The following SCP2 variants were observed in gnomAD, a reference collection of about 807,000 sequenced individuals.
SCP2 encodes the protein sterol carrier protein 2.
SCP2 carries 48 observed loss-of-function variants against 71.4 expected under a neutral mutation model. That is an observed-to-expected ratio of 0.67 (90% CI 0.53 to 0.86). The LOEUF (loss-of-function observed/expected upper bound fraction) is 0.86, where lower values mean the gene tolerates loss of function less well. Among genes scored for constraint, SCP2 ranks in the 40% least tolerant of loss-of-function variants. The pLI is 0.00. For synonymous variants in SCP2, 220 were observed against 218.1 expected, an observed-to-expected ratio of 1.01 and a Z score of -0.08; for missense variants, 560 against 655.6, an observed-to-expected ratio of 0.85 and a Z score of 1.59.
In SCP2 at chr1:52,960,120, G is replaced by A. The variant is rs1207545509; in HGVS notation, c.397-1383G>A. On this transcript the variant is annotated intron_variant, in intron 5 of 15. Transcript: ENST00000371514. ...TTGGCCAGGCTGGCCTCAAACTCCT[G>A]ACCTCGTGATCCGCCCGCCTGGCCT... 2.0e-5 allele frequency among the ~76,000 whole-genome samples: 3 copies of A among 151,970 alleles called. No homozygotes were observed. In the East Asian group the frequency reaches 5.8e-4, roughly 29 times the overall value.
At chr1:52,950,716 C>T in intron 3 of SCP2, 39 bp from the exon 4 acceptor site, 2 of 1,582,516 alleles carry the variant, frequency 1.3e-6, no homozygotes, top group East Asian at 2.2e-5. Context: ...ATTGCAACTC[C>T]ATAATTCTCC....
chr1:53,026,887 T>G (rs547154445), intron 12 of SCP2, among the ~76,000 whole-genome samples: 27 of 150,578 alleles, frequency 1.8e-4, no homozygotes, highest in African/African-American at 6.4e-4. Flanking sequence ...CAGGGAGACA[T>G]ACATGAGAGG....
chr1:53,000,268 A>G (rs1431433834), intron 11 of SCP2, among the ~76,000 whole-genome samples: 2 of 149,136 alleles, frequency 1.3e-5, no homozygotes, highest in African/African-American at 5.2e-5. Flanking sequence ...AAAAAAAAAA[A>G]AAGAAAGAAT....
intron 11 of SCP2, among the ~76,000 whole-genome samples, chr1:53,008,161 C>T (rs561468140): frequency 1.7e-4 from 26 of 152,198 alleles, no homozygotes; most frequent in African/African-American, 6.3e-4. Flanking sequence ...AAAAAAAGTC[C>T]AGGACCAGAC....
chr1:53,037,875 TACATACACAC>T (rs1487635578), intron 13 of SCP2, among the ~76,000 whole-genome samples: 11 of 96,508 alleles, frequency 1.1e-4, no homozygotes, highest in Non-Finnish European at 1.8e-4. Flanking sequence ...ATCCTGTCTC[TACATACACAC>T]ACACACACAC....
At chr1:52,973,338 G>C (rs1015286570) in intron 6 of SCP2, among the ~76,000 whole-genome samples, 17 of 132,420 alleles carry the variant, frequency 1.3e-4, no homozygotes, top group African/African-American at 4.7e-4. Context: ...TTTGACAGAA[G>C]AACCCTCTTT....
chr1:52,941,660 A>G, intron 1 of SCP2, 136 bp from the exon 2 acceptor site: 1 of 548,806 alleles, frequency 1.8e-6, no homozygotes, highest in Non-Finnish European at 3.4e-6. Context: ...GCTTGAACCC[A>G]GGAGGCAGAG....
intron 11 of SCP2, among the ~76,000 whole-genome samples, chr1:52,997,667 G>A (rs966147724): frequency 2.0e-5 from 3 of 152,180 alleles, no homozygotes; most frequent in African/African-American, 7.2e-5. Context: ...TATGTGTGGA[G>A]TTTCTTTTTG....
At position 53,019,877 on chromosome 1, in the gene SCP2, G is replaced by C. The variant is rs113686951; in HGVS notation, c.1235+4834G>C. ...AACTTTTTAAATTTTATAGACTAGA[G>C]TTACCGGAGACAGATTTTTGTTTTT... On this transcript the variant is annotated intron_variant, in intron 12 of 15. Transcript: ENST00000371514. Among the ~76,000 whole-genome samples the C allele has an allele frequency of 6.2e-3, 949 of 152,146 alleles. 16 individuals carry two copies. The highest frequency in any genetic ancestry group is 0.022 in the African/African-American group (912 of 41,506).
intron 11 of SCP2, 123 bp downstream of exon 11, chr1:52,988,259 T>A: frequency 1.5e-6 from 1 of 666,148 alleles, no homozygotes; most frequent in Non-Finnish European, 2.7e-6. Context: ...CTTTAAATGA[T>A]TGTTTAGCTT....
At chr1:52,969,431 C>A (rs1379480899) in intron 6 of SCP2, among the ~76,000 whole-genome samples, 1 of 152,094 alleles carries the variant, frequency 6.6e-6, no homozygotes, top group Non-Finnish European at 1.5e-5. Context: ...ACTGCTTGAG[C>A]CTGGAAGGAG....
intron 5 of SCP2, among the ~76,000 whole-genome samples, chr1:52,960,576 G>A (rs1442798738): frequency 6.9e-6 from 1 of 145,736 alleles, no homozygotes; most frequent in African/African-American, 2.5e-5. Flanking sequence ...GTATATATAT[G>A]TATATATGTA....
At chr1:52,961,695 T>A in intron 6 of SCP2, 66 bp downstream of exon 6, 1 of 1,344,524 alleles carries the variant, frequency 7.4e-7, no homozygotes, top group Non-Finnish European at 1.1e-6. Context: ...GAAATGACAG[T>A]TATTTATTAA....
intron 10 of SCP2, among the ~76,000 whole-genome samples, chr1:52,981,962 G>T (rs1345661765): frequency 6.6e-6 from 1 of 151,714 alleles, no homozygotes; most frequent in East Asian, 1.9e-4. Context: ...GTTCCTCTGT[G>T]CCCCTCCTCT....
At chr1:53,004,250 A>G (rs1660489819) in intron 11 of SCP2, among the ~76,000 whole-genome samples, 1 of 152,214 alleles carries the variant, frequency 6.6e-6, no homozygotes, top group African/African-American at 2.4e-5. Flanking sequence ...GGCATTTTCT[A>G]TTCAATATTT....
intron 11 of SCP2, chr1:52,994,966 T>G (rs1304917524): frequency 5.8e-6 from 3 of 513,414 alleles, no homozygotes; most frequent in Non-Finnish European, 1.2e-5. Context: ...CTCAGGCCCT[T>G]TTGGCCAGGT....
In SCP2 at chr1:53,047,854, T is replaced by G; in HGVS notation, c.1469-4T>G. ...TCCTTCCTTCTCCTGTGTATCTGTT[T>G]TAGATAAGAAGGCTGACTGCACAAT... On this transcript the variant is annotated splice_region_variant and splice_polypyrimidine_tract_variant and intron_variant, in intron 14 of 15. Coordinates refer to ENST00000371514, the MANE Select transcript of SCP2 (RefSeq NM_002979.5). 6.2e-7 allele frequency: 1 copy of G among 1,605,654 alleles called. No homozygotes were observed. The highest frequency in any genetic ancestry group is 8.5e-7 in the Non-Finnish European group (1 of 1,172,248).
intron 14 of SCP2, among the ~76,000 whole-genome samples, 158 bp downstream of exon 14, chr1:53,039,204 T>G (rs987512108): frequency 1.3e-5 from 2 of 152,170 alleles, no homozygotes; most frequent in African/African-American, 4.8e-5. Flanking sequence ...CAAAGCCACC[T>G]CCTCCCAAGG....
chr1:52,930,410 A>G (rs1653037205), intron 1 of SCP2, among the ~76,000 whole-genome samples: 1 of 152,024 alleles, frequency 6.6e-6, no homozygotes, highest in African/African-American at 2.4e-5. Context: ...GTATCTCTTG[A>G]GCCCAGGGTT....
Sources: gnomAD v4.1 joint callset for allele counts (sites outside exome capture counted in the v4.1 genomes callset) on GRCh38, gnomAD v4.1.1 for gene constraint, MANE v1.5 for transcripts, NCBI Gene and HGNC (gene_info 2026-07-23, HGNC 2026-07-21) for gene names.